FSTL5: variants seen among roughly 807,000 people sequenced by gnomAD.
FSTL5 encodes follistatin like 5, also known as follistatin-related protein 5.
Under a neutral mutation model 89.1 loss-of-function variants are expected in FSTL5, and 62 were observed. That is an observed-to-expected ratio of 0.70 (90% CI 0.57 to 0.86). The LOEUF (loss-of-function observed/expected upper bound fraction) is 0.86. FSTL5 is among the 40% of genes least tolerant of loss of function. The pLI is 0.00. For synonymous variants in FSTL5, 383 were observed against 346.2 expected, an observed-to-expected ratio of 1.11 and a Z score of -1.18; for missense variants, 1,057 against 1,001.6, an observed-to-expected ratio of 1.06 and a Z score of -0.75.
At chr4:161,982,566 T>G (rs766725574) in intron 3 of FSTL5, among the ~76,000 whole-genome samples, 18 of 152,214 alleles carry the variant, frequency 1.2e-4, no homozygotes, top group Non-Finnish European at 2.6e-4. Context: ...GTGTTACCTA[T>G]TTCCTTGTTT....
chr4:161,402,936 C>T (rs1270331995), intron 15 of FSTL5, among the ~76,000 whole-genome samples: 3 of 152,152 alleles, frequency 2.0e-5, no homozygotes, highest in East Asian at 1.9e-4. Context: ...ATTCTCCTGC[C>T]TCAGCCGCCC....
At chr4:161,759,299 A>G in intron 6 of FSTL5, 112 bp downstream of exon 6, 2 of 987,078 alleles carry the variant, frequency 2.0e-6, no homozygotes, top group East Asian at 3.0e-5. Context: ...ACTAAATTAT[A>G]TAATTTTTCT....
intron 6 of FSTL5, among the ~76,000 whole-genome samples, chr4:161,728,440 C>G (rs1453303475): frequency 6.6e-6 from 1 of 151,958 alleles, no homozygotes; most frequent in African/African-American, 2.4e-5. Flanking sequence ...AGATTTGGGC[C>G]TGGAAAATTG....
chr4:161,595,240 A>G (rs1398353020), intron 7 of FSTL5, among the ~76,000 whole-genome samples: 1 of 152,082 alleles, frequency 6.6e-6, no homozygotes, highest in East Asian at 1.9e-4. Flanking sequence ...AAATAGATCA[A>G]AACAAATGTA....
At chr4:161,414,000 A>C (rs1294023906) in intron 15 of FSTL5, among the ~76,000 whole-genome samples, 1 of 152,160 alleles carries the variant, frequency 6.6e-6, no homozygotes, top group Non-Finnish European at 1.5e-5. Flanking sequence ...CCCATTCTCC[A>C]AACCTCAGTG....
chr4:162,046,851 T>G, intron 2 of FSTL5, among the ~76,000 whole-genome samples: 1 of 152,170 alleles, frequency 6.6e-6, no homozygotes, highest in East Asian at 1.9e-4. Context: ...TATCCCTTAA[T>G]AGATTTGGGT....
At chr4:161,607,180 C>G (rs1284072725) in intron 7 of FSTL5, among the ~76,000 whole-genome samples, 1 of 151,924 alleles carries the variant, frequency 6.6e-6, no homozygotes, top group African/African-American at 2.4e-5. Flanking sequence ...TAAACAGCTG[C>G]AGAAAACTGT....
chr4:162,088,914 T>G (rs1163208016), intron 2 of FSTL5, among the ~76,000 whole-genome samples: 1 of 152,158 alleles, frequency 6.6e-6, no homozygotes, highest in Non-Finnish European at 1.5e-5. Flanking sequence ...ATGGTCTGAA[T>G]GTATCCCTGC....
At chr4:162,025,378 T>C (rs192665361) in intron 3 of FSTL5, among the ~76,000 whole-genome samples, 2 of 152,288 alleles carry the variant, frequency 1.3e-5, no homozygotes, top group Admixed American at 1.3e-4. Flanking sequence ...AAAAGGGTTA[T>C]AGTTAACTTC....
chr4:162,140,123 TG>T (rs752724873), intron 1 of FSTL5, among the ~76,000 whole-genome samples: 2 of 152,080 alleles, frequency 1.3e-5, no homozygotes, highest in Non-Finnish European at 2.9e-5. Flanking sequence ...TCAAAAAGCA[TG>T]ATAATATCAA....
At chr4:161,427,880 C>T (rs551677824) in intron 15 of FSTL5, among the ~76,000 whole-genome samples, 1 of 151,502 alleles carries the variant, frequency 6.6e-6, no homozygotes, top group East Asian at 1.9e-4. Context: ...CCAAACTGAA[C>T]AACTATCAAT....
chr4:161,554,490 G>A (rs944509005), intron 8 of FSTL5, among the ~76,000 whole-genome samples: 4 of 151,382 alleles, frequency 2.6e-5, no homozygotes, highest in African/African-American at 4.8e-5. Flanking sequence ...CATTATTGCC[G>A]CAGAGTATGG....
At chr4:161,436,884 C>T (rs1346782493) in intron 15 of FSTL5, among the ~76,000 whole-genome samples, 1 of 152,164 alleles carries the variant, frequency 6.6e-6, no homozygotes, top group East Asian at 1.9e-4. Context: ...TAGCAAGTAA[C>T]TTCTACGAGT....
intron 7 of FSTL5, among the ~76,000 whole-genome samples, chr4:161,589,993 TG>T (rs1384994496): frequency 6.6e-6 from 1 of 152,154 alleles, no homozygotes; most frequent in Non-Finnish European, 1.5e-5. Flanking sequence ...GGAGACTTAC[TG>T]ATGCAAGGCA....
At chr4:161,616,207 C>T (rs1482426216) in intron 7 of FSTL5, among the ~76,000 whole-genome samples, 2 of 152,110 alleles carry the variant, frequency 1.3e-5, no homozygotes, top group Non-Finnish European at 1.5e-5. Flanking sequence ...CTGCCTCAGC[C>T]TCCCAAGTAG....
rs60408641 is a variant in FSTL5, at chr4:161,634,441, A to G, written c.894+21887T>C. On this transcript the variant is annotated intron_variant, in intron 7 of 15. Transcript: ENST00000306100. ...ATCTTGACAAGATATCTGCACCTTCAATGTTTATTACAGCATTAGTCACAA... is the reference window on the plus strand; with the variant it reads ...ATCTTGACAAGATATCTGCACCTTCGATGTTTATTACAGCATTAGTCACAA... Among the ~76,000 whole-genome samples the G allele has an allele frequency of 2.9e-3, 441 of 152,362 alleles. 1 individual carries two copies. The highest frequency in any genetic ancestry group is 6.9e-3 in the African/African-American group (289 of 41,590).
intron 4 of FSTL5, among the ~76,000 whole-genome samples, chr4:161,781,683 G>A (rs1427332573): frequency 6.6e-6 from 1 of 151,962 alleles, no homozygotes; most frequent in African/African-American, 2.4e-5. Flanking sequence ...CCCAGCTATC[G>A]ACATCCCACA....
At chr4:161,928,749 C>G (rs2110887097) in intron 3 of FSTL5, among the ~76,000 whole-genome samples, 1 of 151,598 alleles carries the variant, frequency 6.6e-6, no homozygotes, top group Non-Finnish European at 1.5e-5. Flanking sequence ...TAGTATTTAC[C>G]CATTTTTATT....
chr4:162,108,575 T>G (rs1209535375), intron 2 of FSTL5, among the ~76,000 whole-genome samples: 1 of 151,872 alleles, frequency 6.6e-6, no homozygotes, highest in Non-Finnish European at 1.5e-5. Context: ...TCTAAATGGA[T>G]TTTGCATTAT....
Sources: allele counts gnomAD v4.1 joint callset (sites outside exome capture counted in the v4.1 genomes callset), GRCh38; gene constraint gnomAD v4.1.1; transcripts MANE v1.5; gene names NCBI Gene and HGNC (gene_info 2026-07-23, HGNC 2026-07-21).